Variants in PCDH15 observed in about 807,000 individuals in gnomAD.
PCDH15 encodes protocadherin-15.
Under a neutral mutation model 178.5 loss-of-function variants are expected in PCDH15, and 129 were observed. That is an observed-to-expected ratio of 0.72 (90% CI 0.63 to 0.84). PCDH15 has a LOEUF of 0.84. PCDH15 is among the 40% of genes least tolerant of loss of function. The pLI is 0.00. For synonymous variants in PCDH15, 800 were observed against 732.0 expected (o/e 1.09, Z -1.50); for missense variants, 2,230 against 2,099.9 (o/e 1.06, Z -1.21).
chr10:55,417,942 A>T (rs12412724), intron 2 of PCDH15, among the ~76,000 whole-genome samples: 30,153 of 151,554 alleles, frequency 0.2, 3,975 homozygotes, highest in Non-Finnish European at 0.29. Flanking sequence ...GAAAAAAAAT[A>T]AAAATTCACC....
At chr10:54,822,864 G>A (rs1296236189) in intron 3 of PCDH15, among the ~76,000 whole-genome samples, 10 of 151,422 alleles carry the variant, frequency 6.6e-5, no homozygotes, top group Non-Finnish European at 1.0e-4. Flanking sequence ...AAGATAAAAC[G>A]CATTTTAATA....
At chr10:55,029,122 T>G (rs1323857928) in intron 2 of PCDH15, among the ~76,000 whole-genome samples, 1 of 152,002 alleles carries the variant, frequency 6.6e-6, no homozygotes, top group Non-Finnish European at 1.5e-5. Flanking sequence ...GGGCTGTAAT[T>G]AAGAATAAAT....
intron 1 of PCDH15, among the ~76,000 whole-genome samples, chr10:55,273,105 A>G (rs1842489484): frequency 6.6e-6 from 1 of 152,082 alleles, no homozygotes; most frequent in South Asian, 2.1e-4. Context: ...ACTGTGAAAG[A>G]ATGTTCCTGG....
At chr10:54,643,990 C>T (rs369424606) in intron 2 of PCDH15, among the ~76,000 whole-genome samples, 8 of 111,434 alleles carry the variant, frequency 7.2e-5, no homozygotes, top group South Asian at 7.1e-4. Flanking sequence ...CACAACAGTC[C>T]CCAGAGTGTG....
chr10:54,391,134 G>T (rs187112570), intron 3 of PCDH15, among the ~76,000 whole-genome samples: 11 of 152,256 alleles, frequency 7.2e-5, no homozygotes, highest in Non-Finnish European at 1.2e-4. Flanking sequence ...ACACTTGGTT[G>T]TCATGAGAAA....
chr10:53,818,268 A>G, intron 33 of PCDH15: 2 of 300,436 alleles, frequency 6.7e-6, no homozygotes, highest in Non-Finnish European at 1.2e-5. Flanking sequence ...TGCAAAATCT[A>G]TTTTATTTCA....
intron 14 of PCDH15, among the ~76,000 whole-genome samples, chr10:54,148,962 T>C (rs959362270): frequency 6.6e-6 from 1 of 152,088 alleles, no homozygotes; most frequent in Non-Finnish European, 1.5e-5. Flanking sequence ...AAGTTTCTTA[T>C]AAAAGAAAAT....
At chr10:54,798,054 C>T (rs1952233693) in intron 1 of PCDH15, among the ~76,000 whole-genome samples, 2 of 151,952 alleles carry the variant, frequency 1.3e-5, no homozygotes, top group Non-Finnish European at 2.9e-5. Context: ...GTTCTTGTCA[C>T]CATTTCAACC....
intron 1 of PCDH15, among the ~76,000 whole-genome samples, chr10:54,773,881 T>C (rs898702875): frequency 6.6e-6 from 1 of 152,128 alleles, no homozygotes; most frequent in African/African-American, 2.4e-5. Context: ...AATGAACTGA[T>C]TTCTTATGAA....
chr10:53,988,774 G>A (rs1306109485), intron 21 of PCDH15, among the ~76,000 whole-genome samples: 2 of 151,808 alleles, frequency 1.3e-5, no homozygotes, highest in African/African-American at 4.9e-5. Flanking sequence ...TTGGAAATCT[G>A]TCTTGTTTAA....
intron 2 of PCDH15, among the ~76,000 whole-genome samples, chr10:54,579,912 T>A (rs1396842053): frequency 6.6e-6 from 1 of 151,870 alleles, no homozygotes; most frequent in African/African-American, 2.4e-5. Context: ...AGGAAATTTA[T>A]AAAATTATTT....
At chr10:55,346,694 T>A (rs905024119) in intron 2 of PCDH15, among the ~76,000 whole-genome samples, 20 of 135,644 alleles carry the variant, frequency 1.5e-4, no homozygotes, top group African/African-American at 5.5e-4. Flanking sequence ...ATCTTTGGAC[T>A]TTTTTTTTTT....
chr10:54,328,596 TG>T (rs1301405650), intron 7 of PCDH15, among the ~76,000 whole-genome samples: 1 of 152,012 alleles, frequency 6.6e-6, no homozygotes, highest in Non-Finnish European at 1.5e-5. Flanking sequence ...AAGGAGATGT[TG>T]GATGGGAGAA....
chr10:53,822,174 T>G (rs751243574), intron 32 of PCDH15: 2 of 1,614,032 alleles, frequency 1.2e-6, no homozygotes, highest in South Asian at 1.1e-5. Context: ...AGGCATCAAG[T>G]TGGTCGTGCA....
At chr10:55,031,866 T>C (rs1415861308) in intron 2 of PCDH15, among the ~76,000 whole-genome samples, 1 of 152,160 alleles carries the variant, frequency 6.6e-6, no homozygotes, top group East Asian at 1.9e-4. Context: ...AAACACATTT[T>C]TGTTCTTTAT....
At chr10:53,941,561 A>G (rs763440860) in intron 23 of PCDH15, among the ~76,000 whole-genome samples, 4 of 152,188 alleles carry the variant, frequency 2.6e-5, no homozygotes, top group Non-Finnish European at 5.9e-5. Flanking sequence ...GTTTATTTCC[A>G]TAAATAAAAA....
chr10:54,767,615 A>C (rs1384437350), intron 1 of PCDH15, among the ~76,000 whole-genome samples: 1 of 152,156 alleles, frequency 6.6e-6, no homozygotes. Context: ...TCAAGGTCAA[A>C]TTTAATAGTC....
At chr10:55,355,613 G>C (rs1260089094) in intron 2 of PCDH15, among the ~76,000 whole-genome samples, 1 of 151,700 alleles carries the variant, frequency 6.6e-6, no homozygotes, top group African/African-American at 2.4e-5. Flanking sequence ...TGTTACTGTC[G>C]AGTGTTTCGA....
In PCDH15 at chr10:55,171,819, G is replaced by GA. The variant is rs751491086; in HGVS notation, c.-155-5169dup. ...TAATAAGGATTTGATTAGTGATCTA[G>GA]AAAAAAAATGCTATGTTCAAGATGT... On this transcript the variant is annotated intron_variant, in intron 1 of 5. Coordinates refer to the PCDH15 transcript ENST00000458638. Among the ~76,000 whole-genome samples, 62 of 151,166 alleles carry GA rather than the reference G, an allele frequency of 4.1e-4. No homozygotes were observed. In the East Asian group the frequency reaches 6.0e-3, roughly 15 times the overall value.
Sources: allele counts gnomAD v4.1 joint callset (sites outside exome capture counted in the v4.1 genomes callset), GRCh38; gene constraint gnomAD v4.1.1; transcripts MANE v1.5; gene names NCBI Gene and HGNC (gene_info 2026-07-23, HGNC 2026-07-21).